KCNQ1: variants seen among roughly 807,000 people sequenced by gnomAD.
The protein encoded by KCNQ1 is potassium voltage-gated channel subfamily KQT member 1.
KCNQ1 carries 49 observed loss-of-function variants against 72.4 expected under a neutral mutation model. That is an observed-to-expected ratio of 0.68 (90% confidence interval 0.54 to 0.86). KCNQ1 has a LOEUF of 0.86. KCNQ1 is among the 40% of genes least tolerant of loss of function. The pLI is 0.00. For missense variants in KCNQ1, 790 were observed against 945.1 expected, an observed-to-expected ratio of 0.84 and a Z score of 2.15; for synonymous variants, 450 against 412.6, an observed-to-expected ratio of 1.09 and a Z score of -1.10.
chr11:2,519,545 A>G (rs957540982), intron 1 of KCNQ1, among the ~76,000 whole-genome samples: 1 of 152,170 alleles, frequency 6.6e-6, no homozygotes, highest in Admixed American at 6.5e-5. Context: ...GCTTGAGCCC[A>G]GGAAATCGAG....
At position 2,620,929 on chromosome 11, in the gene KCNQ1, G is replaced by T. The variant is rs1033631652; in HGVS notation, c.1393+32075G>T. The stretch of plus-strand genomic sequence containing the variant: ...TCCCATTATGGTTTGGTGTTTTTTT[G>T]TTGTTGTTGTTTTGTTTTGTTTTTT... On this transcript the variant is annotated intron_variant, in intron 10 of 15. Coordinates refer to ENST00000155840, the MANE Select transcript of KCNQ1 (RefSeq NM_000218.3). The surrounding 1 kb of genome is among the most constrained non-coding windows in gnomAD (Gnocchi z 4.5). 1.2e-3 allele frequency: 453 copies of T among 366,996 alleles called. 4 individuals carry two copies. In the East Asian group the frequency reaches 0.016, roughly 13 times the overall value. 22.7% of individuals were successfully genotyped at this position (366,996 alleles called of 1,614,324 possible).
chr11:2,722,513 T>A (rs1356543118), intron 11 of KCNQ1, among the ~76,000 whole-genome samples: 4 of 152,072 alleles, frequency 2.6e-5, no homozygotes, highest in Non-Finnish European at 5.9e-5. Flanking sequence ...GAGGAGCTTT[T>A]TCTAAGGAAG....
At position 2,677,555 on chromosome 11, in the gene KCNQ1, T is replaced by TG. The variant is rs1222932975; in HGVS notation, c.1514+15475dup. 3 of 398,624 alleles carry TG rather than the reference T, an allele frequency of 7.5e-6. No individual in the cohort carries two copies. The South Asian group carries it at 3.8e-4, about 51-fold the overall frequency. 24.7% of individuals were successfully genotyped at this position (398,624 alleles called of 1,614,324 possible). A position where few individuals can be genotyped will look rare whatever the true frequency, so the allele number is the denominator to read the frequency against. Reference sequence around the variant, plus strand: ...GCCAAGTATAAAAGATGCCCTCAGATGTTACCATATAATGCTTTACAAAAG... The same window carrying TG: ...GCCAAGTATAAAAGATGCCCTCAGATGGTTACCATATAATGCTTTACAAAAG... On this transcript the variant is annotated intron_variant, in intron 11 of 15. Coordinates refer to ENST00000155840, the MANE Select transcript of KCNQ1 (RefSeq NM_000218.3). This position sits in a 1 kb window ranked among gnomAD's most constrained non-coding sequence, Gnocchi z 4.5.
In KCNQ1 at chr11:2,457,549, A is replaced by G. The variant is rs921063589; in HGVS notation, c.386+12065A>G. Among the ~76,000 whole-genome samples, 2 of 152,148 alleles carry G rather than the reference A, an allele frequency of 1.3e-5. No individual in the cohort carries two copies. The highest frequency in any genetic ancestry group is 4.8e-5 in the African/African-American group (2 of 41,428). On this transcript the variant is annotated intron_variant, in intron 1 of 15. Transcript: ENST00000155840. This position sits in a 1 kb window ranked among gnomAD's most constrained non-coding sequence, Gnocchi z 5.0. The stretch of plus-strand genomic sequence containing the variant: ...TGAAAACCAAATACTGCGTGGTCTC[A>G]TGGATTATAAGTGAGGGCTAAACAT...
At chr11:2,773,428 A>G (rs571925189) in intron 12 of KCNQ1, among the ~76,000 whole-genome samples, 4 of 151,888 alleles carry the variant, frequency 2.6e-5, no homozygotes, top group African/African-American at 4.8e-5. Flanking sequence ...TCGGCATCCC[A>G]TCTTATAGAA....
chr11:2,582,771 T>C (rs1030799352), intron 6 of KCNQ1, among the ~76,000 whole-genome samples: 2 of 151,796 alleles, frequency 1.3e-5, no homozygotes, highest in African/African-American at 4.8e-5. Flanking sequence ...CCAGCCAGGG[T>C]AGGCTCCTAC....
At chr11:2,742,065 C>T (rs764813951) in intron 11 of KCNQ1, among the ~76,000 whole-genome samples, 2 of 152,210 alleles carry the variant, frequency 1.3e-5, no homozygotes, top group Admixed American at 6.5e-5. Flanking sequence ...CTGGGTGCTG[C>T]GACATGGTTA....
chr11:2,602,950 C>T lies in KCNQ1; in HGVS notation c.1393+14096C>T, dbSNP rs1451941297. 6.6e-6 allele frequency among the ~76,000 whole-genome samples: 1 copy of T among 152,172 alleles called. No homozygotes were observed. Among genetic ancestry groups the T allele is most frequent in the Non-Finnish European group, 1.5e-5 (1 of 68,022 alleles). On this transcript the variant is annotated intron_variant, in intron 10 of 15. Transcript: ENST00000155840. This position sits in a 1 kb window ranked among gnomAD's most constrained non-coding sequence, Gnocchi z 4.8. ...TTCAATGTTTCCTTTTTATGGATTA[C>T]ACTTCTGATGTCAGGTCTAAGAAGT...
chr11:2,581,666 CAT>C (rs749836785), intron 6 of KCNQ1, among the ~76,000 whole-genome samples: 9 of 152,258 alleles, frequency 5.9e-5, no homozygotes, highest in Non-Finnish European at 1.2e-4. Context: ...TCCCTTTTCA[CAT>C]GACCTTGTCA....
intron 11 of KCNQ1, chr11:2,697,077 C>T (rs906396702): frequency 1.5e-5 from 6 of 398,370 alleles, no homozygotes; most frequent in Non-Finnish European, 2.7e-5. Context: ...TAATAATACT[C>T]GACATTATTT....
Position 2,769,729 on chromosome 11 carries a change from G to A in KCNQ1, c.1590+810G>A, listed in dbSNP as rs1033178748. On this transcript the variant is annotated intron_variant, in intron 12 of 15. Coordinates refer to ENST00000155840, the MANE Select transcript of KCNQ1 (RefSeq NM_000218.3). The surrounding 1 kb of genome is among the most constrained non-coding windows in gnomAD (Gnocchi z 4.6). ...AAAATCACAAAGCAGGGAAGGCTGG[G>A]GGGTGACTTGCCTGAGTCCCTTGGA... Among the ~76,000 whole-genome samples, 9 of 152,190 alleles carry A rather than the reference G, an allele frequency of 5.9e-5. No homozygotes were observed. The highest frequency in any genetic ancestry group is 1.3e-4 in the Admixed American group (2 of 15,278).
chr11:2,517,184 C>A (rs1001485254), intron 1 of KCNQ1, among the ~76,000 whole-genome samples: 1 of 152,188 alleles, frequency 6.6e-6, no homozygotes, highest in Admixed American at 6.5e-5. Flanking sequence ...AAGGCCTGAG[C>A]GTCCAGGAGC....
At chr11:2,840,554 A>T (rs1848187216) in intron 15 of KCNQ1, 1 of 152,212 alleles carries the variant, frequency 6.6e-6, no homozygotes, top group Non-Finnish European at 1.5e-5. Flanking sequence ...GTTGGAATGG[A>T]GGAGGCCCTT....
intron 10 of KCNQ1, chr11:2,641,572 C>G (rs898629307): frequency 2.5e-6 from 1 of 398,330 alleles, no homozygotes. Context: ...AATATTTTCT[C>G]CCATTCAACA....
At chr11:2,714,783 G>A (rs1046534800) in intron 11 of KCNQ1, among the ~76,000 whole-genome samples, 4 of 152,160 alleles carry the variant, frequency 2.6e-5, no homozygotes, top group Non-Finnish European at 4.4e-5. Context: ...CTGCAGCATC[G>A]TCGTCATCTT....
intron 1 of KCNQ1, among the ~76,000 whole-genome samples, chr11:2,504,300 A>G (rs909589566): frequency 6.6e-6 from 1 of 152,084 alleles, no homozygotes; most frequent in African/African-American, 2.4e-5. Flanking sequence ...CTCGAGATAG[A>G]GTAAAAGGAT....
chr11:2,593,105 G>T lies in KCNQ1; in HGVS notation c.1393+4251G>T, dbSNP rs1848691322. Among the ~76,000 whole-genome samples the T allele has an allele frequency of 6.6e-6, 1 of 152,148 alleles. No individual in the cohort carries two copies. The highest frequency in any genetic ancestry group is 2.4e-5 in the African/African-American group (1 of 41,432). On this transcript the variant is annotated intron_variant, in intron 10 of 15. Transcript: ENST00000155840. This position sits in a 1 kb window ranked among gnomAD's most constrained non-coding sequence, Gnocchi z 6.9. ...GAGTGGCCCTTTGTCTTTCACCACT[G>T]ACCCTTCCCAAGCTGGTACCATGCC...
chr11:2,557,647 G>A (rs140256454), intron 2 of KCNQ1, among the ~76,000 whole-genome samples: 2 of 152,276 alleles, frequency 1.3e-5, no homozygotes, highest in African/African-American at 2.4e-5. Flanking sequence ...GCATCTACAT[G>A]GCTGGTAAGG....
At chr11:2,586,755 G>A (rs2133756892) in intron 8 of KCNQ1, among the ~76,000 whole-genome samples, 1 of 152,214 alleles carries the variant, frequency 6.6e-6, no homozygotes, top group South Asian at 2.1e-4. Flanking sequence ...GCCAGCTGCT[G>A]TGTCTACCTG....
Sources: gnomAD v4.1 joint callset for allele counts (sites outside exome capture counted in the v4.1 genomes callset) on GRCh38, gnomAD v4.1.1 for gene constraint, Gnocchi (gnomAD v3.1) non-coding constraint, MANE v1.5 for transcripts, NCBI Gene and HGNC (gene_info 2026-07-23, HGNC 2026-07-21) for gene names.